PPFIA3: variants seen among roughly 807,000 people sequenced by gnomAD.
The protein encoded by PPFIA3 is PPFI scaffold protein A3.
A neutral mutation model predicts 145.8 loss-of-function variants in PPFIA3; 26 were observed. The ratio of observed to expected loss-of-function variants is 0.18; its 90% confidence interval spans 0.13 to 0.25. PPFIA3 has a LOEUF of 0.25. Among genes scored for constraint, PPFIA3 ranks in the 10% least tolerant of loss-of-function variants. The pLI is 1.00. For synonymous variants in PPFIA3, 645 were observed against 661.4 expected (o/e 0.98, Z 0.38); for missense variants, 1,008 against 1,587.8 (o/e 0.63, Z 6.21).
chr19:49,145,714 G>A (rs907558411), intron 21 of PPFIA3: 3 of 571,588 alleles, frequency 5.2e-6, no homozygotes, highest in Non-Finnish European at 9.5e-6. Flanking sequence ...ACAGCAAAAT[G>A]CATGGCAGGG....
At position 49,128,720 on chromosome 19, in the gene PPFIA3, C is replaced by T; in HGVS notation, c.343-128C>T. 1 of 991,838 alleles carries T rather than the reference C, an allele frequency of 1.0e-6. No homozygotes were observed. Among genetic ancestry groups the T allele is most frequent in the Non-Finnish European group, 1.5e-6 (1 of 674,874 alleles). The allele number at this position is 991,838 out of a possible 1,614,324, so 61.4% of individuals were successfully genotyped here. ...CCCCGACCTCCTCTCTTTTCCTGAC[C>T]TGTCTCGGTGCTCCTTTATATGGCT... On this transcript the variant is annotated intron_variant, in intron 3 of 29. Coordinates refer to ENST00000334186, the MANE Select transcript of PPFIA3 (RefSeq NM_003660.4). The surrounding 1 kb of genome is among the most constrained non-coding windows in gnomAD (Gnocchi z 4.1).
At chr19:49,147,651 G>A (rs954743875) in intron 23 of PPFIA3, among the ~76,000 whole-genome samples, 1 of 151,578 alleles carries the variant, frequency 6.6e-6, no homozygotes, top group African/African-American at 2.4e-5. Context: ...GTGCCACCGC[G>A]CTCCAGCCTG....
At chr19:49,121,686 G>C (rs1211195538) in intron 1 of PPFIA3, among the ~76,000 whole-genome samples, 3 of 152,178 alleles carry the variant, frequency 2.0e-5, no homozygotes, top group Admixed American at 1.3e-4. Context: ...TGAGGCAGGA[G>C]AGTCGTTTGA....
chr19:49,139,489 CAA>C (rs370199974), intron 16 of PPFIA3, among the ~76,000 whole-genome samples, 177 bp from the exon 17 acceptor site: 1,190 of 64,346 alleles, frequency 0.018, 4 homozygotes, highest in Non-Finnish European at 0.027. Context: ...AACTCCATCT[CAA>C]AAAAAAAAAA....
Position 49,120,539 on chromosome 19 carries a change from C to T in PPFIA3, c.-16+817C>T, listed in dbSNP as rs139804370. 6.6e-6 allele frequency among the ~76,000 whole-genome samples: 1 copy of T among 152,266 alleles called. No homozygotes were observed. The highest frequency in any genetic ancestry group is 2.4e-5 in the African/African-American group (1 of 41,546). On this transcript the variant is annotated intron_variant, in intron 1 of 29. Transcript: ENST00000334186. The surrounding 1 kb of genome is among the most constrained non-coding windows in gnomAD (Gnocchi z 4.6). ...CACCTCTGCTGGCCCCAGGTGGTAGCCCTCACCCCGTCAGCACCTAGGAAT... is the reference window on the plus strand; with the variant it reads ...CACCTCTGCTGGCCCCAGGTGGTAGTCCTCACCCCGTCAGCACCTAGGAAT...
rs1331375302 is a variant in PPFIA3 at position 49,120,280 on chromosome 19, C to T, written c.-16+558C>T. ...GAGGGGGCGCAGGCGGCGCGGGGAT[C>T]CCCCCGCCGCGCCTTTGACCCGGGA... On this transcript the variant is annotated intron_variant, in intron 1 of 29. Coordinates refer to ENST00000334186, the MANE Select transcript of PPFIA3 (RefSeq NM_003660.4). The surrounding 1 kb of genome is among the most constrained non-coding windows in gnomAD (Gnocchi z 4.6). Among the ~76,000 whole-genome samples the T allele has an allele frequency of 6.6e-6, 1 of 151,936 alleles. No individual in the cohort carries two copies. Among genetic ancestry groups the T allele is most frequent in the Non-Finnish European group, 1.5e-5 (1 of 67,894 alleles).
At chr19:49,129,278 C>T (rs1665269257) in intron 4 of PPFIA3, 102 bp from the exon 5 acceptor site, 2 of 1,254,528 alleles carry the variant, frequency 1.6e-6, no homozygotes, top group Middle Eastern at 2.4e-4. Flanking sequence ...GGAGCCCCAA[C>T]GCTGCCCTAT....
chr19:49,139,870 C>T (rs767325408), intron 17 of PPFIA3, 39 bp downstream of exon 17: 1 of 1,610,526 alleles, frequency 6.2e-7, no homozygotes, highest in Non-Finnish European at 8.5e-7. Context: ...GAGAAGCTGG[C>T]TTGGGAAGAT....
chr19:49,147,538 T>A (rs1426239833), intron 23 of PPFIA3, among the ~76,000 whole-genome samples: 9 of 151,678 alleles, frequency 5.9e-5, no homozygotes, highest in Non-Finnish European at 1.3e-4. Context: ...AATACAAAAA[T>A]TAGCCGGGCG....
At position 49,128,816 on chromosome 19, in the gene PPFIA3, CTT is replaced by C. The variant is rs770850958; in HGVS notation, c.343-29_343-28del. On this transcript the variant is annotated intron_variant, in intron 3 of 29. Coordinates refer to ENST00000334186, the MANE Select transcript of PPFIA3 (RefSeq NM_003660.4). This position sits in a 1 kb window ranked among gnomAD's most constrained non-coding sequence, Gnocchi z 4.1. Reference sequence around the variant, plus strand: ...CACATCTGCCCCTTTTCCCTTGCCTCTTTTCCTTGACCCCATGCCGTGTGCTT... The same window carrying C: ...CACATCTGCCCCTTTTCCCTTGCCTCTTCCTTGACCCCATGCCGTGTGCTT... 2.3e-5 allele frequency: 36 copies of C among 1,554,606 alleles called. No individual in the cohort carries two copies. The African/African-American group carries it at 4.8e-4, about 21-fold the overall frequency.
intron 7 of PPFIA3, among the ~76,000 whole-genome samples, chr19:49,132,410 A>AG (rs1568436250): frequency 6.7e-6 from 1 of 148,624 alleles, no homozygotes; most frequent in Non-Finnish European, 1.5e-5. Flanking sequence ...AAAAAAAAAA[A>AG]AAAAAAAAAA....
Position 49,144,138 on chromosome 19 carries a change from G to A in PPFIA3, c.2745+1134G>A, listed in dbSNP as rs900005952. ...CCAATCCTCTGCCTCAACCTTCCGAGTAGCTGGGATTATAGGCGCCCACCA... is the reference window on the plus strand; with the variant it reads ...CCAATCCTCTGCCTCAACCTTCCGAATAGCTGGGATTATAGGCGCCCACCA... On this transcript the variant is annotated intron_variant, in intron 21 of 29. Transcript: ENST00000334186. 5.9e-5 allele frequency among the ~76,000 whole-genome samples: 9 copies of A among 151,940 alleles called. No individual in the cohort carries two copies. In the East Asian group the frequency reaches 1.7e-3, roughly 29 times the overall value.
intron 15 of PPFIA3, 134 bp downstream of exon 15, chr19:49,137,045 T>A: frequency 1.2e-6 from 1 of 824,930 alleles, no homozygotes; most frequent in Non-Finnish European, 1.8e-6. Context: ...AGCCCAACAC[T>A]CACTCCGCTG....
At chr19:49,142,334 C>T (rs914709907) in intron 20 of PPFIA3, among the ~76,000 whole-genome samples, 6 of 152,132 alleles carry the variant, frequency 3.9e-5, no homozygotes, top group Non-Finnish European at 5.9e-5. Flanking sequence ...TGGCCTTGCC[C>T]ACCTGGGTCA....
chr19:49,136,800 A>G lies in PPFIA3; in HGVS notation c.1742A>G (p.Glu581Gly), dbSNP rs766300124. The change falls in exon 15 of 30, where the codon GAG becomes GGG. Residue 581 changes from glutamate (E) to glycine (G), a missense_variant. Around this residue, in one of 11 missense-constraint regions of PPFIA3, gnomAD observed 121 missense variants for 138.2 expected, o/e 0.88. Coordinates refer to ENST00000334186, the MANE Select transcript of PPFIA3 (RefSeq NM_003660.4). ...PGELDGSDEE[E>G]AEGMFGAELL... ...GAACTGGACGGCTCCGATGAGGAGGAGGCAGAGGGGATGTTTGGGGCCGAG... is the reference window on the plus strand; with the variant it reads ...GAACTGGACGGCTCCGATGAGGAGGGGGCAGAGGGGATGTTTGGGGCCGAG... 1.3e-6 allele frequency: 2 copies of G among 1,593,672 alleles called. No homozygotes were observed.
Position 49,148,261 on chromosome 19 carries a change from G to T in PPFIA3, c.3011+3G>T, listed in dbSNP as rs551405081. On this transcript the variant is annotated splice_donor_region_variant and intron_variant, in intron 24 of 29. Transcript: ENST00000334186. ...AAGATGGTGGACAGCTTTCACAGGT[G>T]GGGGCTGCCTGGCCAGTGGGGACAG... is the stretch of plus-strand genomic sequence containing the variant. 4.3e-6 allele frequency: 7 copies of T among 1,612,988 alleles called. No homozygotes were observed. The South Asian group carries it at 7.7e-5, about 18-fold the overall frequency.
Position 49,125,629 on chromosome 19 carries a change from G to A in PPFIA3, c.-15-2230G>A, listed in dbSNP as rs555983781. Among the ~76,000 whole-genome samples the A allele has an allele frequency of 3.2e-3, 482 of 152,338 alleles. 2 individuals are homozygous for A. Among genetic ancestry groups the A allele is most frequent in the African/African-American group, 0.011 (471 of 41,580 alleles). Reference sequence around the variant, plus strand: ...GTCCCAGAACTCCTGGGTCCTGGAGGAGGAGCTGTGCACCCAGGGGCCTGG... The same window carrying A: ...GTCCCAGAACTCCTGGGTCCTGGAGAAGGAGCTGTGCACCCAGGGGCCTGG... On this transcript the variant is annotated intron_variant, in intron 1 of 29. Coordinates refer to ENST00000334186, the MANE Select transcript of PPFIA3 (RefSeq NM_003660.4).
At position 49,133,402 on chromosome 19, in the gene PPFIA3, G is replaced by T. The variant is rs1235917154; in HGVS notation, c.1161+31G>T. 6.4e-7 allele frequency: 1 copy of T among 1,563,924 alleles called. No individual in the cohort carries two copies. Among genetic ancestry groups the T allele is most frequent in the Non-Finnish European group, 8.6e-7 (1 of 1,156,504 alleles). ...GGGAGGACTCGGGTCGGGGCCTTGCGTGGGGAAGGGGTGGGGCCTAGAGGA... is the reference window on the plus strand; with the variant it reads ...GGGAGGACTCGGGTCGGGGCCTTGCTTGGGGAAGGGGTGGGGCCTAGAGGA... On this transcript the variant is annotated intron_variant, in intron 9 of 29. Coordinates refer to ENST00000334186, the MANE Select transcript of PPFIA3 (RefSeq NM_003660.4). The surrounding 1 kb of genome is among the most constrained non-coding windows in gnomAD (Gnocchi z 7.2).
At position 49,120,711 on chromosome 19, in the gene PPFIA3, T is replaced by A. The variant is rs887835779; in HGVS notation, c.-16+989T>A. The stretch of plus-strand genomic sequence containing the variant: ...GGGGGACCCGGAATGTGATTCTCAA[T>A]GCAGTTCTCTGACTTCTGTTCACAC... On this transcript the variant is annotated intron_variant, in intron 1 of 29. Coordinates refer to ENST00000334186, the MANE Select transcript of PPFIA3 (RefSeq NM_003660.4). The surrounding 1 kb of genome is among the most constrained non-coding windows in gnomAD (Gnocchi z 4.6). 2.6e-5 allele frequency among the ~76,000 whole-genome samples: 4 copies of A among 152,200 alleles called. No individual in the cohort carries two copies. The highest frequency in any genetic ancestry group is 4.1e-4 in the South Asian group (2 of 4,830).
Sources: allele counts gnomAD v4.1 joint callset (sites outside exome capture counted in the v4.1 genomes callset), GRCh38; gene constraint gnomAD v4.1.1; regional missense constraint gnomAD v4.1.1; non-coding constraint Gnocchi (gnomAD v3.1); transcripts MANE v1.5; gene names NCBI Gene and HGNC (gene_info 2026-07-23, HGNC 2026-07-21).